HSPG2: variants seen among roughly 807,000 people sequenced by gnomAD.
HSPG2 encodes the protein basement membrane-specific heparan sulfate proteoglycan core protein.
A neutral mutation model predicts 526.6 loss-of-function variants in HSPG2; 278 were observed. That is an observed-to-expected ratio of 0.53 (90% CI 0.48 to 0.58). The LOEUF (loss-of-function observed/expected upper bound fraction) is 0.58, where lower values mean the gene tolerates loss of function less well. HSPG2 is among the 20% of genes least tolerant of loss of function. The probability of loss-of-function intolerance (pLI) is 0.00; values close to 1 mark genes in which losing one functional copy is unlikely to be tolerated. For missense variants in HSPG2, 5,354 were observed against 6,099.5 expected, an observed-to-expected ratio of 0.88 and a Z score of 4.07; for synonymous variants, 2,465 against 2,555.4, an observed-to-expected ratio of 0.96 and a Z score of 1.07.
chr1:21,887,629 T>A lies in HSPG2; in HGVS notation c.749A>T (p.Glu250Val), dbSNP rs777924651. The A allele has an allele frequency of 1.9e-6, 3 of 1,613,942 alleles. No individual in the cohort carries two copies. Among genetic ancestry groups the A allele is most frequent in the Non-Finnish European group, 2.5e-6 (3 of 1,180,004 alleles). ...GISPTFSLLVETTSLPPRPET... is the reference protein window; with the variant it reads ...GISPTFSLLVVTTSLPPRPET... Reference sequence around the variant, plus strand: ...TGGCCGGGGCGGTAAAGATGTCGTCTCCACAAGGAGAGAGAATGTGGGGCT... The same window carrying A: ...TGGCCGGGGCGGTAAAGATGTCGTCACCACAAGGAGAGAGAATGTGGGGCT... The change falls in exon 8 of 97, where the codon GAG (glutamate) becomes GTG (valine). Residue 250 changes from glutamate to valine, a missense_variant. Physicochemically the swap from Glu to Val is moderately radical, Grantham distance 121 (BLOSUM62 -2). Transcript: ENST00000374695. The surrounding 1 kb of genome is among the most constrained non-coding windows in gnomAD (Gnocchi z 5.0).
Position 21,839,720 on chromosome 1 carries a change from C to T in HSPG2, c.9709+102G>A. ...TAGCAACACGGTCTCCCCGTACTCC[C>T]CACCCCTGGGCATGACATCATCTCT... On this transcript the variant is annotated intron_variant, in intron 72 of 96. Transcript: ENST00000374695. The surrounding 1 kb of genome is among the most constrained non-coding windows in gnomAD (Gnocchi z 4.5). 1 of 1,439,288 alleles carries T rather than the reference C, an allele frequency of 6.9e-7. No homozygotes were observed. The highest frequency in any genetic ancestry group is 9.6e-7 in the Non-Finnish European group (1 of 1,044,606). 89.2% of individuals were successfully genotyped at this position (1,439,288 alleles called of 1,614,324 possible). A position where few individuals can be genotyped will look rare whatever the true frequency, so the allele number is the denominator to read the frequency against.
chr1:21,921,559 C>G (rs941514051), intron 1 of HSPG2, among the ~76,000 whole-genome samples: 2 of 152,186 alleles, frequency 1.3e-5, no homozygotes, highest in Non-Finnish European at 2.9e-5. Flanking sequence ...GCAGGGAACA[C>G]CGGACTACTG....
intron 81 of HSPG2, among the ~76,000 whole-genome samples, chr1:21,832,087 A>C (rs1404186022): frequency 6.7e-6 from 1 of 148,690 alleles, no homozygotes; most frequent in Non-Finnish European, 1.5e-5. Context: ...TCCTCTGAGG[A>C]CTCCTCTCTC....
intron 65 of HSPG2, 94 bp downstream of exon 65, chr1:21,844,054 C>T: frequency 1.3e-6 from 2 of 1,529,228 alleles, no homozygotes; most frequent in Non-Finnish European, 1.8e-6. Context: ...TCCCACAAGC[C>T]CCAGTTGCTG....
At chr1:21,934,516 C>A (rs1435073204) in intron 1 of HSPG2, among the ~76,000 whole-genome samples, 1 of 152,156 alleles carries the variant, frequency 6.6e-6, no homozygotes, top group African/African-American at 2.4e-5. Flanking sequence ...TGCCTGTCAT[C>A]CCAACACTTT....
At chr1:21,906,738 G>A (rs1220690878) in intron 1 of HSPG2, among the ~76,000 whole-genome samples, 2 of 147,250 alleles carry the variant, frequency 1.4e-5, no homozygotes, top group East Asian at 2.0e-4. Context: ...GGGTGGGGGG[G>A]GGTCACGTGC....
chr1:21,839,631 C>T lies in HSPG2; in HGVS notation c.9710-81G>A, dbSNP rs1572183510. ...GAGGGTGGCCATGGTGAGGAAGGGC[C>T]CTGGGTGATCCTGTCCCTCTATGGG... On this transcript the variant is annotated intron_variant, in intron 72 of 96. Transcript: ENST00000374695. The surrounding 1 kb of genome is among the most constrained non-coding windows in gnomAD (Gnocchi z 4.5). 1 of 1,508,920 alleles carries T rather than the reference C, an allele frequency of 6.6e-7. No individual in the cohort carries two copies. Among genetic ancestry groups the T allele is most frequent in the Non-Finnish European group, 9.1e-7 (1 of 1,101,348 alleles). The allele number at this position is 1,508,920 out of a possible 1,614,324, so 93.5% of individuals were successfully genotyped here. A position where few individuals can be genotyped will look rare whatever the true frequency, so the allele number is the denominator to read the frequency against.
At position 21,937,224 on chromosome 1, in the gene HSPG2, G is replaced by T; in HGVS notation, c.-7C>A. 1 of 1,012,838 alleles carries T rather than the reference G, an allele frequency of 9.9e-7. No individual in the cohort carries two copies. The highest frequency in any genetic ancestry group is 1.2e-6 in the Non-Finnish European group (1 of 843,358). The allele number at this position is 1,012,838 out of a possible 1,614,324, so 62.7% of individuals were successfully genotyped here. A position where few individuals can be genotyped will look rare whatever the true frequency, so the allele number is the denominator to read the frequency against. ...CCGCCGCCCGCCACCCCATGGCCCG[G>T]CCCGCGCCGCTCTCTCGCTCGCTCG... On this transcript the variant is annotated 5_prime_UTR_variant, in exon 1 of 97. Coordinates refer to ENST00000374695, the MANE Select transcript of HSPG2 (RefSeq NM_005529.7).
intron 85 of HSPG2, 147 bp from the exon 86 acceptor site, chr1:21,830,238 T>G: frequency 2.9e-6 from 2 of 685,734 alleles, no homozygotes; most frequent in Non-Finnish European, 5.2e-6. Context: ...AGGAGGGAAC[T>G]GAGCAGAGCA....
chr1:21,822,248 G>A lies in HSPG2; in HGVS notation c.*1068C>T, dbSNP rs371757519. The A allele has an allele frequency of 3.1e-5, 49 of 1,602,134 alleles. No individual in the cohort carries two copies. Among genetic ancestry groups the A allele is most frequent in the South Asian group, 5.5e-5 (5 of 90,856 alleles). Reference sequence around the variant, plus strand: ...ATCAAAGACTCAGGAGGCCCCTGGCGGGGATAGCACCGTTTATTAAGAAAA... The same window carrying A: ...ATCAAAGACTCAGGAGGCCCCTGGCAGGGATAGCACCGTTTATTAAGAAAA... On this transcript the variant is annotated 3_prime_UTR_variant, in exon 97 of 97. Coordinates refer to ENST00000374695, the MANE Select transcript of HSPG2 (RefSeq NM_005529.7).
At chr1:21,831,855 T>C (rs2098005737) in intron 81 of HSPG2, 59 bp from the exon 82 acceptor site, 2 of 1,532,606 alleles carry the variant, frequency 1.3e-6, no homozygotes, top group Admixed American at 2.0e-5. Context: ...TAAGAAGGGC[T>C]AGGGGCCCAG....
rs148674648 is a variant in HSPG2 at position 21,850,459 on chromosome 1, C to T, written c.7198G>A (p.Ala2400Thr). The change falls in exon 56 of 97, where the codon GCC (alanine) becomes ACC (threonine). Residue 2400 changes from alanine to threonine, a missense_variant. By Grantham distance (58) the Ala-to-Thr change is moderately conservative. Transcript: ENST00000374695. Reference sequence around the variant, plus strand: ...CGGCACACGTACTCGCCCGAGTCGGCGGGGGACGCTTGGTAGAGTCTCAGC... The same window carrying T: ...CGGCACACGTACTCGCCCGAGTCGGTGGGGGACGCTTGGTAGAGTCTCAGC... ...SLLRLYQASPADSGEYVCRVL... is the reference protein window; with the variant it reads ...SLLRLYQASPTDSGEYVCRVL... 37 of 1,612,044 alleles carry T rather than the reference C, an allele frequency of 2.3e-5. No homozygotes were observed. In the East Asian group the frequency reaches 2.9e-4, roughly 13 times the overall value.
In HSPG2 at chr1:21,854,688, T is replaced by C; in HGVS notation, c.6211A>G (p.Asn2071Asp). ...SVTEGQTLDL[N>D]CVVAGSAHAQ... The stretch of plus-strand genomic sequence containing the variant: ...TGGGCTGACCCTGCCACCACACAGT[T>C]GAGGTCGAGTGTTTGCCCTTCTGTC... The change falls in exon 49 of 97, where the codon AAC becomes GAC. Residue 2071 changes from asparagine to aspartate, a missense_variant. By Grantham distance (23) the Asn-to-Asp change is conservative (BLOSUM62 1). Transcript: ENST00000374695. The C allele has an allele frequency of 6.2e-7, 1 of 1,611,056 alleles. No individual in the cohort carries two copies. Among genetic ancestry groups the C allele is most frequent in the East Asian group, 2.2e-5 (1 of 44,808 alleles).
rs1471386827 is a variant in HSPG2, at chr1:21,857,401, GC to G, written c.5294-17del. The G allele has an allele frequency of 2.5e-6, 4 of 1,610,786 alleles. No homozygotes were observed. The highest frequency in any genetic ancestry group is 2.5e-6 in the Non-Finnish European group (3 of 1,178,334). On this transcript the variant is annotated splice_polypyrimidine_tract_variant and intron_variant, in intron 42 of 96. Transcript: ENST00000374695. ...CTTGGAGCCTCTGCAGGGACGGGAAGCCCCCCTGTGAGCCGGTGCTGGCTAG... is the reference window on the plus strand; with the variant it reads ...CTTGGAGCCTCTGCAGGGACGGGAAGCCCCCTGTGAGCCGGTGCTGGCTAG...
At chr1:21,853,169 C>T (rs577537600) in intron 50 of HSPG2, 99 bp from the exon 51 acceptor site, 77 of 1,537,688 alleles carry the variant, frequency 5.0e-5, no homozygotes, top group Middle Eastern at 1.7e-4. Flanking sequence ...CTAGTGGGGA[C>T]GGCCGACAGG....
In HSPG2 at chr1:21,831,720, G is replaced by A. The variant is rs1401583831; in HGVS notation, c.11284C>T (p.Leu3762=). The part of the protein sequence containing the change: ...LALGHFHTVT[L]LRSLTQGSLI... ...GAGCCCTGGGTGAGGCTGCGCAGCAGGGTCACGGTGTGGAAATGGCCCAGG... is the reference window on the plus strand; with the variant it reads ...GAGCCCTGGGTGAGGCTGCGCAGCAAGGTCACGGTGTGGAAATGGCCCAGG... Residue 3762 remains leucine (L), a synonymous_variant, in exon 82 of 97, where the codon CTG becomes TTG. Transcript: ENST00000374695. 5 of 1,606,364 alleles carry A rather than the reference G, an allele frequency of 3.1e-6. No homozygotes were observed. The highest frequency in any genetic ancestry group is 4.3e-6 in the Non-Finnish European group (5 of 1,175,208).
chr1:21,873,861 T>C, intron 29 of HSPG2, 64 bp downstream of exon 29: 7 of 1,414,490 alleles, frequency 4.9e-6, no homozygotes, highest in Non-Finnish European at 5.8e-6. Flanking sequence ...CGCTGGGCCC[T>C]GCCTGAGGAT....
At chr1:21,857,500 T>G in intron 42 of HSPG2, 115 bp from the exon 43 acceptor site, 1 of 944,820 alleles carries the variant, frequency 1.1e-6, no homozygotes, top group Non-Finnish European at 1.7e-6. Flanking sequence ...CCAGCCTAGC[T>G]CTCATTCTAC....
chr1:21,881,152 T>G (rs1236335194), intron 14 of HSPG2, among the ~76,000 whole-genome samples, 187 bp downstream of exon 14: 1 of 152,210 alleles, frequency 6.6e-6, no homozygotes, highest in Non-Finnish European at 1.5e-5. Context: ...AGGCCAGCTC[T>G]TCTTCCCAAG....
Sources: allele counts gnomAD v4.1 joint callset (sites outside exome capture counted in the v4.1 genomes callset), GRCh38; gene constraint gnomAD v4.1.1; non-coding constraint Gnocchi (gnomAD v3.1); transcripts MANE v1.5; gene names NCBI Gene and HGNC (gene_info 2026-07-23, HGNC 2026-07-21).